Variants in NOTCH3 observed in about 807,000 individuals in gnomAD.
The protein encoded by NOTCH3 is notch receptor 3.
In NOTCH3, 86 loss-of-function variants were observed where a neutral mutation model predicts 213.3. The observed-to-expected ratio is 0.40, with a 90% CI of 0.34 to 0.48. NOTCH3 has a LOEUF of 0.48. Ranked by LOEUF, NOTCH3 falls within the 20% of genes least tolerant of loss-of-function variation. The probability of loss-of-function intolerance (pLI) is 0.57; values close to 1 mark genes in which losing one functional copy is unlikely to be tolerated. For missense variants in NOTCH3, 2,783 were observed against 3,272.6 expected, an observed-to-expected ratio of 0.85 and a Z score of 3.65; for synonymous variants, 1,354 against 1,355.9, an observed-to-expected ratio of 1.00 and a Z score of 0.03.
chr19:15,178,877 G>C lies in NOTCH3; in HGVS notation c.3783C>G (p.Cys1261Trp). 6.2e-7 allele frequency: 1 copy of C among 1,610,508 alleles called. No homozygotes were observed. The highest frequency in any genetic ancestry group is 8.5e-7 in the Non-Finnish European group (1 of 1,178,470). ...ESQPCQHGGQ[C>W]RPSPGPGGGL... ...CACCCCCAGGACCCGGGCTAGGACG[G>C]CACTGGCCTCCATGCTGGCATGGCT... Residue 1261 changes from cysteine (C) to tryptophan (W), a missense_variant, in exon 23 of 33, where the codon TGC (cysteine) becomes TGG (tryptophan). This residue lies in a region of NOTCH3 where 861 missense variants were observed against 909.1 expected (regional missense o/e 0.95). Coordinates refer to ENST00000263388, the MANE Select transcript of NOTCH3 (RefSeq NM_000435.3).
chr19:15,176,987 G>A (rs1471539325), intron 24 of NOTCH3, among the ~76,000 whole-genome samples: 1 of 149,688 alleles, frequency 6.7e-6, no homozygotes, highest in Non-Finnish European at 1.5e-5. Flanking sequence ...CAGGAGAATC[G>A]CTTGAACCCG....
Position 15,167,430 on chromosome 19 carries a change from T to C in NOTCH3, c.5200-19A>G. On this transcript the variant is annotated intron_variant, in intron 28 of 32. Coordinates refer to ENST00000263388, the MANE Select transcript of NOTCH3 (RefSeq NM_000435.3). ...CCTCTACCTGGAGGGGCAGGCACCC[T>C]GGATCTCAGATCTCACCCTTTGGTG... 3.7e-6 allele frequency: 6 copies of C among 1,600,410 alleles called. No homozygotes were observed. Among genetic ancestry groups the C allele is most frequent in the Non-Finnish European group, 5.1e-6 (6 of 1,179,752 alleles).
intron 1 of NOTCH3, 53 bp from the exon 2 acceptor site, chr19:15,197,631 G>C: frequency 6.5e-7 from 1 of 1,546,580 alleles, no homozygotes; most frequent in East Asian, 2.3e-5. Flanking sequence ...AGGAACCCCA[G>C]GCCCAAGTGA....
intron 1 of NOTCH3, among the ~76,000 whole-genome samples, chr19:15,198,200 G>A (rs548529155): frequency 4.6e-5 from 7 of 152,322 alleles, no homozygotes; most frequent in South Asian, 2.1e-4. Flanking sequence ...GTCCAACATC[G>A]CCATCCCTAA....
At chr19:15,200,363 G>C (rs1407201437) in intron 1 of NOTCH3, among the ~76,000 whole-genome samples, 1 of 151,520 alleles carries the variant, frequency 6.6e-6, no homozygotes, top group South Asian at 2.1e-4. Flanking sequence ...CAGCCCGCCC[G>C]GGGTGTCGGG....
In NOTCH3 at chr19:15,182,608, CATTT is replaced by C. The variant is rs537564207; in HGVS notation, c.2567-811_2567-808del. On this transcript the variant is annotated intron_variant, in intron 16 of 32. Coordinates refer to ENST00000263388, the MANE Select transcript of NOTCH3 (RefSeq NM_000435.3). ...TATATTGGGTTAAATAGATTATATA[CATTT>C]ATTTATTTATTTATTTATTTACTTT... Among the ~76,000 whole-genome samples the C allele has an allele frequency of 1.2e-3, 186 of 151,228 alleles. 1 individual carries two copies. The highest frequency in any genetic ancestry group is 3.5e-3 in the African/African-American group (145 of 41,268).
chr19:15,177,882 G>A lies in NOTCH3; in HGVS notation c.4046C>T (p.Ser1349Phe), dbSNP rs937871148. 8.1e-5 allele frequency: 100 copies of A among 1,237,572 alleles called. No homozygotes were observed. The highest frequency in any genetic ancestry group is 9.0e-5 in the Non-Finnish European group (89 of 992,600). 76.7% of individuals were successfully genotyped at this position (1,237,572 alleles called of 1,614,324 possible). The change falls in exon 24 of 33, where the codon TCC becomes TTC. Residue 1349 changes from serine to phenylalanine, a missense_variant. Ser to Phe is a radical substitution (Grantham distance 155, BLOSUM62 -2). Coordinates refer to ENST00000263388, the MANE Select transcript of NOTCH3 (RefSeq NM_000435.3). ...CAAAPCLHGG[S>F]CRPAPLAPFF... is the part of the protein sequence containing the mutation. Reference sequence around the variant, plus strand: ...GGGCGCGAGCGGCGCGGGGCGGCAGGAGCCCCCGTGGAGACAGGGGGCGGC... The same window carrying A: ...GGGCGCGAGCGGCGCGGGGCGGCAGAAGCCCCCGTGGAGACAGGGGGCGGC...
At chr19:15,187,436 GC>G in intron 10 of NOTCH3, 98 bp from the exon 11 acceptor site, 1 of 1,069,392 alleles carries the variant, frequency 9.4e-7, no homozygotes, top group Non-Finnish European at 1.4e-6. Context: ...CTGAGGCCCT[GC>G]CCATCAAGCT....
At chr19:15,178,268 C>T (rs1265877031) in intron 23 of NOTCH3, 178 bp from the exon 24 acceptor site, 12 of 540,276 alleles carry the variant, frequency 2.2e-5, no homozygotes, top group Non-Finnish European at 3.6e-5. Context: ...CCCAACCGCT[C>T]CCCTTTCCAC....
chr19:15,185,270 C>A lies in NOTCH3; in HGVS notation c.2283G>T (p.Pro761=). Reference sequence around the variant, plus strand: ...TGAGGTACACACCCTGGACACCAGGCGGGCAGGTGCAGTGGAAACCCATTC... The same window carrying A: ...TGAGGTACACACCCTGGACACCAGGAGGGCAGGTGCAGTGGAAACCCATTC... ...SDGMGFHCTC[P]PGVQGRQCEL... The change falls in exon 14 of 33, where the codon CCG becomes CCT. Residue 761 remains proline, a synonymous_variant. Coordinates refer to ENST00000263388, the MANE Select transcript of NOTCH3 (RefSeq NM_000435.3). The surrounding 1 kb of genome is among the most constrained non-coding windows in gnomAD (Gnocchi z 4.2). 1 of 1,613,160 alleles carries A rather than the reference C, an allele frequency of 6.2e-7. No homozygotes were observed. The highest frequency in any genetic ancestry group is 8.5e-7 in the Non-Finnish European group (1 of 1,179,990).
intron 19 of NOTCH3, 134 bp downstream of exon 19, chr19:15,180,547 C>T: frequency 9.2e-7 from 1 of 1,089,816 alleles, no homozygotes; most frequent in Non-Finnish European, 1.3e-6. Flanking sequence ...GCTCACACAC[C>T]CACACCACTC....
rs1473916713 is a variant in NOTCH3 at position 15,191,764 on chromosome 19, C to T, written c.783G>A (p.Gln261=). 2 of 1,613,906 alleles carry T rather than the reference C, an allele frequency of 1.2e-6. No homozygotes were observed. The highest frequency in any genetic ancestry group is 8.5e-7 in the Non-Finnish European group (1 of 1,180,046). Residue 261 remains glutamine, a synonymous_variant, in exon 5 of 33, where the codon CAG becomes CAA. Transcript: ENST00000263388. ...GCCCACCTGTCCACTCAGGAGGGCA[C>T]TGGCAGTTATAGGTGTTGACGCCAT... ...CVDGVNTYNC[Q]CPPEWTGQFC... is the part of the protein sequence containing the mutation.
rs1398741125 is a variant in NOTCH3 at position 15,179,391 on chromosome 19, G to T, written c.3433C>A (p.Leu1145Ile). 6.2e-7 allele frequency: 1 copy of T among 1,614,038 alleles called. No homozygotes were observed. The highest frequency in any genetic ancestry group is 8.5e-7 in the Non-Finnish European group (1 of 1,180,048). The change falls in exon 21 of 33, where the codon CTC (leucine) becomes ATC (isoleucine). Residue 1145 changes from leucine (L) to isoleucine (I), a missense_variant. Physicochemically the swap from Leu to Ile is conservative, Grantham distance 5 (BLOSUM62 2). Around this residue, in one of 6 missense-constraint regions of NOTCH3, gnomAD observed 861 missense variants for 909.1 expected, o/e 0.95. Transcript: ENST00000263388. ...AGCGTTCCTGGGGGACAGGAGCAGA[G>T]ATAGCGGGCCACGAGGTCAATGCAT... is the stretch of plus-strand genomic sequence containing the variant. ...GSCIDLVARY[L>I]CSCPPGTLGV...
At chr19:15,197,466 A>AG (rs923822629) in intron 2 of NOTCH3, 34 bp downstream of exon 2, 1 of 645,772 alleles carries the variant, frequency 1.5e-6, no homozygotes, top group African/African-American at 2.1e-5. Flanking sequence ...CCCCACACAC[A>AG]GGGCCCACTG....
intron 29 of NOTCH3, 139 bp from the exon 30 acceptor site, chr19:15,166,230 A>C: frequency 1.4e-6 from 1 of 739,372 alleles, no homozygotes; most frequent in Non-Finnish European, 2.3e-6. Flanking sequence ...GCACACCCAC[A>C]CCCAGAATGA....
intron 26 of NOTCH3, 51 bp downstream of exon 26, chr19:15,170,620 G>A (rs1483402100): frequency 1.3e-6 from 2 of 1,554,638 alleles, no homozygotes; most frequent in Non-Finnish European, 1.7e-6. Context: ...GCGGGGCTTC[G>A]GCCGCCCCCA....
Position 15,170,586 on chromosome 19 carries a change from C to T in NOTCH3, c.4892-33G>A, listed in dbSNP as rs762854345. The T allele has an allele frequency of 9.4e-6, 15 of 1,596,652 alleles. No individual in the cohort carries two copies. The South Asian group carries it at 1.6e-4, about 17-fold the overall frequency. ...CAGGAAGCAGAGGGCGGGGCTTCAG[C>T]CGAGGGCGGGGCTTTGGCCTCAGGC... is the stretch of plus-strand genomic sequence containing the variant. On this transcript the variant is annotated intron_variant, in intron 26 of 32. Coordinates refer to ENST00000263388, the MANE Select transcript of NOTCH3 (RefSeq NM_000435.3).
chr19:15,168,628 G>A (rs1357930501), intron 28 of NOTCH3, among the ~76,000 whole-genome samples: 3 of 152,070 alleles, frequency 2.0e-5, no homozygotes, highest in Non-Finnish European at 4.4e-5. Flanking sequence ...GAGGTCTGCA[G>A]CTTGAGACCA....
intron 12 of NOTCH3, 121 bp downstream of exon 12, chr19:15,186,757 G>A: frequency 1.2e-6 from 1 of 829,474 alleles, no homozygotes; most frequent in East Asian, 2.5e-5. Context: ...CAGACTCAGG[G>A]CAAAGCACGG....
Sources: allele counts gnomAD v4.1 joint callset (sites outside exome capture counted in the v4.1 genomes callset), GRCh38; gene constraint gnomAD v4.1.1; regional missense constraint gnomAD v4.1.1; non-coding constraint Gnocchi (gnomAD v3.1); transcripts MANE v1.5; gene names NCBI Gene and HGNC (gene_info 2026-07-23, HGNC 2026-07-21).